Variants in GLRA1 observed in about 807,000 individuals in gnomAD.
GLRA1 encodes the protein glycine receptor subunit alpha-1.
A neutral mutation model predicts 48.3 loss-of-function variants in GLRA1; 37 were observed. That is an observed-to-expected ratio of 0.77 (90% CI 0.59 to 1.01). The LOEUF (loss-of-function observed/expected upper bound fraction) is 1.01. Among genes scored for constraint, GLRA1 ranks in the 50% least tolerant of loss-of-function variants. GLRA1 has a pLI of 0.00. For missense variants in GLRA1, 427 were observed against 571.0 expected (o/e 0.75, Z 2.57); for synonymous variants, 196 against 210.7 (o/e 0.93, Z 0.60).
At chr5:151,849,756 G>C in intron 7 of GLRA1, 1 of 450,010 alleles carries the variant, frequency 2.2e-6, no homozygotes, top group Non-Finnish European at 3.6e-6. Flanking sequence ...GTTTCACTAT[G>C]TTGGCCAGGC....
Position 151,856,386 on chromosome 5 carries a change from G to A in GLRA1, c.477-3C>T, listed in dbSNP as rs766244305. 1 of 1,591,702 alleles carries A rather than the reference G, an allele frequency of 6.3e-7. No homozygotes were observed. Among genetic ancestry groups the A allele is most frequent in the Non-Finnish European group, 8.6e-7 (1 of 1,159,992 alleles). On this transcript the variant is annotated splice_polypyrimidine_tract_variant and splice_region_variant and intron_variant, in intron 4 of 8. Transcript: ENST00000274576. ...GGCAGGCCAGTGTCAGGGTGATTCTGGGAAGAGAAGGGATTTTGAATGATG... is the reference window on the plus strand; with the variant it reads ...GGCAGGCCAGTGTCAGGGTGATTCTAGGAAGAGAAGGGATTTTGAATGATG...
chr5:151,856,662 G>T (rs1007577356), intron 4 of GLRA1, among the ~76,000 whole-genome samples: 1 of 152,028 alleles, frequency 6.6e-6, no homozygotes, highest in Non-Finnish European at 1.5e-5. Context: ...GTGACCATAG[G>T]CATCTGCCAC....
Position 151,822,635 on chromosome 5 carries a change from G to A in GLRA1, c.*38C>T, listed in dbSNP as rs745674651. 2.4e-5 allele frequency: 34 copies of A among 1,418,072 alleles called. No individual in the cohort carries two copies. The highest frequency in any genetic ancestry group is 3.2e-5 in the Non-Finnish European group (32 of 1,002,106). 87.8% of individuals were successfully genotyped at this position (1,418,072 alleles called of 1,614,324 possible). A position where few individuals can be genotyped will look rare whatever the true frequency, so the allele number is the denominator to read the frequency against. On this transcript the variant is annotated 3_prime_UTR_variant, in exon 9 of 9. Transcript: ENST00000274576. ...TCTCAGATTCCTGTGCTATTCCCACGTTCCCCTCTCCCAGCCTCCCCCAAC... is the reference window on the plus strand; with the variant it reads ...TCTCAGATTCCTGTGCTATTCCCACATTCCCCTCTCCCAGCCTCCCCCAAC...
intron 6 of GLRA1, among the ~76,000 whole-genome samples, chr5:151,853,608 T>A (rs999635709): frequency 3.9e-5 from 6 of 152,128 alleles, no homozygotes; most frequent in African/African-American, 1.4e-4. Flanking sequence ...TTTGAATATT[T>A]GACCCCATCA....
chr5:151,849,915 T>A (rs1752855576), intron 7 of GLRA1: 2 of 1,536,426 alleles, frequency 1.3e-6, no homozygotes, highest in Non-Finnish European at 1.8e-6. Context: ...ATGCATTTCA[T>A]GCCTCCTGCC....
intron 1 of GLRA1, among the ~76,000 whole-genome samples, chr5:151,898,814 T>A (rs890632094): frequency 3.3e-4 from 50 of 152,162 alleles, no homozygotes; most frequent in African/African-American, 1.2e-3. Flanking sequence ...ATTCAGCGAG[T>A]ACAGTGGACA....
intron 1 of GLRA1, among the ~76,000 whole-genome samples, chr5:151,902,977 C>T (rs1250588338): frequency 6.6e-6 from 1 of 152,106 alleles, no homozygotes; most frequent in Non-Finnish European, 1.5e-5. Flanking sequence ...TAGAGGAAAA[C>T]TTATGTGAGA....
intron 3 of GLRA1, among the ~76,000 whole-genome samples, chr5:151,884,459 A>AT (rs1454025792): frequency 4.6e-5 from 7 of 152,122 alleles, no homozygotes; most frequent in Admixed American, 1.3e-4. Context: ...AAAAAAACCC[A>AT]TTTTTTCTCT....
rs547507874 is a variant in GLRA1, at chr5:151,921,962, G to A, written c.56+2532C>T. Among the ~76,000 whole-genome samples the A allele has an allele frequency of 3.9e-5, 6 of 152,256 alleles. 1 individual carries two copies. The highest frequency in any genetic ancestry group is 3.3e-4 in the Admixed American group (5 of 15,290). ...CTTTCTAAGACCCAGTTCCTCCTCTGTGTTGGTACCATATGGGATTTCCGC... is the reference window on the plus strand; with the variant it reads ...CTTTCTAAGACCCAGTTCCTCCTCTATGTTGGTACCATATGGGATTTCCGC... On this transcript the variant is annotated intron_variant, in intron 1 of 8. Transcript: ENST00000274576.
Position 151,822,756 on chromosome 5 carries a change from A to G in GLRA1, c.1267T>C (p.Phe423Leu). ...KKIDKISRIG[F>L]PMAFLIFNMF... ...TTGAAAATGAGGAAGGCCATGGGGA[A>G]GCCAATGCGGGATATTTTGTCGATC... is the stretch of plus-strand genomic sequence containing the variant. The change falls in exon 9 of 9, where the codon TTC becomes CTC. Residue 423 changes from phenylalanine (F) to leucine (L), a missense_variant. Physicochemically the swap from Phe to Leu is conservative, Grantham distance 22 (BLOSUM62 0). Transcript: ENST00000274576. The G allele has an allele frequency of 6.2e-7, 1 of 1,613,880 alleles. No homozygotes were observed. The highest frequency in any genetic ancestry group is 8.5e-7 in the Non-Finnish European group (1 of 1,179,800).
intron 3 of GLRA1, among the ~76,000 whole-genome samples, chr5:151,866,790 T>C (rs1753347680): frequency 6.6e-6 from 1 of 151,938 alleles, no homozygotes; most frequent in Non-Finnish European, 1.5e-5. Flanking sequence ...CACACAAAAT[T>C]GAAAGTGAGA....
At chr5:151,913,021 G>A (rs1754655285) in intron 1 of GLRA1, among the ~76,000 whole-genome samples, 1 of 152,200 alleles carries the variant, frequency 6.6e-6, no homozygotes, top group African/African-American at 2.4e-5. Flanking sequence ...GCTGGGGCTA[G>A]GTATAGAGGC....
At chr5:151,831,208 A>T (rs913999671) in intron 7 of GLRA1, among the ~76,000 whole-genome samples, 1 of 152,330 alleles carries the variant, frequency 6.6e-6, no homozygotes, top group South Asian at 2.1e-4. Context: ...GTTTTCAAGC[A>T]CAAAACTGGG....
intron 7 of GLRA1, among the ~76,000 whole-genome samples, chr5:151,843,560 C>T (rs942556574): frequency 5.9e-5 from 9 of 151,914 alleles, no homozygotes; most frequent in Admixed American, 2.6e-4. Context: ...CATGCCTGGC[C>T]GCTGCTTCTA....
At chr5:151,881,322 CTTTT>C (rs10714651) in intron 3 of GLRA1, among the ~76,000 whole-genome samples, 1 of 133,142 alleles carries the variant, frequency 7.5e-6, no homozygotes, top group African/African-American at 2.8e-5. Flanking sequence ...TTTGTTTTTC[CTTTT>C]TTTTTTTTTT....
In GLRA1 at chr5:151,835,448, A is replaced by G. The variant is rs1273443450; in HGVS notation, c.913-6381T>C. On this transcript the variant is annotated intron_variant, in intron 7 of 8. Coordinates refer to ENST00000274576, the MANE Select transcript of GLRA1 (RefSeq NM_000171.4). The stretch of plus-strand genomic sequence containing the variant: ...TGAGGCCAGCATCATCCTGATACCA[A>G]AACTCATTTTATGAGGCCAACATCA... Among the ~76,000 whole-genome samples, 3 of 152,308 alleles carry G rather than the reference A, an allele frequency of 2.0e-5. No individual in the cohort carries two copies. In the East Asian group the frequency reaches 5.8e-4, roughly 29 times the overall value.
intron 1 of GLRA1, among the ~76,000 whole-genome samples, chr5:151,916,753 G>A (rs1336984432): frequency 6.6e-6 from 1 of 152,146 alleles, no homozygotes; most frequent in Non-Finnish European, 1.5e-5. Flanking sequence ...TCTCATTGCT[G>A]TGTCCCAGGG....
At chr5:151,848,772 C>T (rs1388383548) in intron 7 of GLRA1, 16 of 299,576 alleles carry the variant, frequency 5.3e-5, no homozygotes, top group Non-Finnish European at 8.4e-5. Context: ...GGGAGAAGAG[C>T]GGAGTGTGTG....
chr5:151,920,667 T>C (rs1436054647), intron 1 of GLRA1, among the ~76,000 whole-genome samples: 1 of 152,156 alleles, frequency 6.6e-6, no homozygotes, highest in Non-Finnish European at 1.5e-5. Flanking sequence ...AGGTACTTAA[T>C]ATTAAGTATT....
Sources: gnomAD v4.1 joint callset for allele counts (sites outside exome capture counted in the v4.1 genomes callset) on GRCh38, gnomAD v4.1.1 for gene constraint, MANE v1.5 for transcripts, NCBI Gene and HGNC (gene_info 2026-07-23, HGNC 2026-07-21) for gene names.